LYRM4: variants seen among roughly 807,000 people sequenced by gnomAD.
LYRM4 encodes LYR motif containing 4, also known as LYR motif-containing protein 4.
A neutral mutation model predicts 11.7 loss-of-function variants in LYRM4; 9 were observed. The ratio of observed to expected loss-of-function variants is 0.77; its 90% CI spans 0.46 to 1.34. The LOEUF is 1.34. Among genes scored for constraint, LYRM4 ranks in the 40% most tolerant of loss-of-function variants. The pLI, the probability that LYRM4 is intolerant of heterozygous loss-of-function variation, is 0.00. For missense variants in LYRM4, 133 were observed against 112.5 expected, an observed-to-expected ratio of 1.18 and a Z score of -0.82; for synonymous variants, 42 against 40.4, an observed-to-expected ratio of 1.04 and a Z score of -0.15.
chr6:5,100,669 A>G (rs17139385), downstream of LYRM4, among the ~76,000 whole-genome samples: 18,799 of 152,116 alleles, frequency 0.12, 1,378 homozygotes, highest in South Asian at 0.32. Flanking sequence ...AGCTTGGCTG[A>G]CACCCCCAAT....
intron 2 of LYRM4, among the ~76,000 whole-genome samples, chr6:5,163,620 ATTT>A (rs34561251): frequency 6.5e-4 from 89 of 136,732 alleles, no homozygotes; most frequent in East Asian, 8.6e-4. Context: ...GACTGCATTA[ATTT>A]TTTTTTTTTT....
At chr6:5,096,375 AGCTACTTGAGAG>A in the LYRM4 span, among the ~76,000 whole-genome samples, 9 of 152,280 alleles carry the variant, frequency 5.9e-5, no homozygotes, top group Admixed American at 3.3e-4. Flanking sequence ...CTGTAGCCCC[AGCTACTTGAGAG>A]GCTGAGGTAG....
intron 2 of LYRM4, among the ~76,000 whole-genome samples, chr6:5,165,528 A>G (rs1759026767): frequency 7.0e-6 from 1 of 142,952 alleles, no homozygotes; most frequent in South Asian, 2.5e-4. Flanking sequence ...ATGCAAGTTT[A>G]TTTTTTTTTC....
intron 1 of LYRM4, among the ~76,000 whole-genome samples, chr6:5,249,901 C>A (rs1481266135): frequency 6.6e-6 from 1 of 152,248 alleles, no homozygotes; most frequent in Admixed American, 6.5e-5. Flanking sequence ...ACATGAAGTA[C>A]CTTTCATCCT....
At chr6:5,257,704 T>C (rs1362017735) in intron 1 of LYRM4, among the ~76,000 whole-genome samples, 4 of 152,188 alleles carry the variant, frequency 2.6e-5, no homozygotes, top group Non-Finnish European at 4.4e-5. Flanking sequence ...CTAGGTTGCA[T>C]GCTCCTTATG....
At chr6:5,056,790 G>A in the LYRM4 span, among the ~76,000 whole-genome samples, 1 of 152,106 alleles carries the variant, frequency 6.6e-6, no homozygotes, top group Non-Finnish European at 1.5e-5. Context: ...GTTCACATGG[G>A]TTATTTTCAA....
At chr6:5,096,275 A>C in the LYRM4 span, among the ~76,000 whole-genome samples, 1 of 152,058 alleles carries the variant, frequency 6.6e-6, no homozygotes, top group Non-Finnish European at 1.5e-5. Flanking sequence ...GGATTGCTTG[A>C]GGCCAGGAGT....
the LYRM4 span, chr6:5,085,650 G>A: frequency 1.3e-6 from 2 of 1,548,782 alleles, no homozygotes; most frequent in Admixed American, 2.0e-5. Flanking sequence ...CTCAGCTAGG[G>A]GATAGGCCCC....
At chr6:5,230,298 C>A (rs554594994) in intron 1 of LYRM4, among the ~76,000 whole-genome samples, 5 of 152,300 alleles carry the variant, frequency 3.3e-5, no homozygotes, top group African/African-American at 1.2e-4. Context: ...GGGGAAAAAA[C>A]GCACTTTCCT....
chr6:5,151,441 G>A (rs756769194), intron 2 of LYRM4, among the ~76,000 whole-genome samples: 15 of 152,036 alleles, frequency 9.9e-5, no homozygotes, highest in Non-Finnish European at 2.1e-4. Flanking sequence ...CCCTTTCACT[G>A]GGTTTGCCCC....
chr6:5,036,044 T>C, the LYRM4 span, among the ~76,000 whole-genome samples: 3 of 114,976 alleles, frequency 2.6e-5, no homozygotes, highest in Admixed American at 2.2e-4. Context: ...TTTACCTAAC[T>C]GAAGTTCCTT....
intron 2 of LYRM4, among the ~76,000 whole-genome samples, chr6:5,145,604 C>T (rs1352070743): frequency 6.6e-6 from 1 of 152,154 alleles, no homozygotes; most frequent in Non-Finnish European, 1.5e-5. Context: ...GGACCCCAGC[C>T]TTATGAGGAA....
At chr6:5,036,796 A>G in the LYRM4 span, among the ~76,000 whole-genome samples, 1 of 152,188 alleles carries the variant, frequency 6.6e-6, no homozygotes, top group Non-Finnish European at 1.5e-5. Flanking sequence ...GACAGTGAGA[A>G]GACACAGTCC....
At position 5,257,744 on chromosome 6, in the gene LYRM4, AAG is replaced by A. The variant is rs1259727099; in HGVS notation, c.86+2902_86+2903del. ...TCTAATGCCTGATGATCTGAGGTGG[AAG>A]AGTTTCATCCCGAAACCATCCCCTC... On this transcript the variant is annotated intron_variant, in intron 1 of 2. Transcript: ENST00000330636. 4.6e-5 allele frequency among the ~76,000 whole-genome samples: 7 copies of A among 152,148 alleles called. No individual in the cohort carries two copies. The East Asian group carries it at 1.3e-3, about 29-fold the overall frequency.
intron 2 of LYRM4, among the ~76,000 whole-genome samples, chr6:5,109,883 T>A (rs761509720): frequency 3.3e-5 from 5 of 152,190 alleles, no homozygotes; most frequent in Non-Finnish European, 7.3e-5. Flanking sequence ...TTTAGAACAG[T>A]GCAGAAATGG....
chr6:5,233,346 A>T (rs188015407), intron 1 of LYRM4, among the ~76,000 whole-genome samples: 80 of 152,390 alleles, frequency 5.2e-4, no homozygotes, highest in African/African-American at 1.9e-3. Flanking sequence ...TAAGTGAGGA[A>T]GAAGAAACAC....
chr6:5,147,864 T>G (rs968904135), intron 2 of LYRM4, among the ~76,000 whole-genome samples: 2 of 152,168 alleles, frequency 1.3e-5, no homozygotes, highest in African/African-American at 4.8e-5. Flanking sequence ...TTAAGCCAAA[T>G]TTTCCTGGAA....
intron 2 of LYRM4, among the ~76,000 whole-genome samples, chr6:5,193,896 C>T (rs1351495782): frequency 6.6e-6 from 1 of 152,002 alleles, no homozygotes; most frequent in African/African-American, 2.4e-5. Context: ...TAAAATTTCC[C>T]AAATTTTAAT....
intron 1 of LYRM4, among the ~76,000 whole-genome samples, chr6:5,254,899 G>C (rs980308841): frequency 6.6e-6 from 1 of 152,130 alleles, no homozygotes; most frequent in Non-Finnish European, 1.5e-5. Flanking sequence ...GTGGGAGGTG[G>C]AGGGGGTATC....
Sources: allele counts gnomAD v4.1 joint callset (sites outside exome capture counted in the v4.1 genomes callset), GRCh38; gene constraint gnomAD v4.1.1; transcripts MANE v1.5; gene names NCBI Gene and HGNC (gene_info 2026-07-23, HGNC 2026-07-21).